SNTG2: variants seen among roughly 807,000 people sequenced by gnomAD.
The protein encoded by SNTG2 is syntrophin gamma 2, also known as gamma-2-syntrophin.
Under a neutral mutation model 70.9 loss-of-function variants are expected in SNTG2, and 74 were observed. The observed-to-expected ratio is 1.04, with a 90% CI of 0.86 to 1.27. SNTG2 has a LOEUF of 1.27. Ranked by LOEUF, SNTG2 falls within the 50% of genes most tolerant of loss-of-function variation. The pLI is 0.00. For synonymous variants in SNTG2, 278 were observed against 273.8 expected, an observed-to-expected ratio of 1.02 and a Z score of -0.15; for missense variants, 717 against 690.7, an observed-to-expected ratio of 1.04 and a Z score of -0.43.
intron 14 of SNTG2, among the ~76,000 whole-genome samples, chr2:1,282,982 T>C (rs1160747907): frequency 2.6e-5 from 4 of 152,110 alleles, no homozygotes; most frequent in South Asian, 2.1e-4. Context: ...AATACAGATA[T>C]CAAGACAGAA....
intron 12 of SNTG2, among the ~76,000 whole-genome samples, chr2:1,250,901 C>T (rs146146793): frequency 6.4e-4 from 98 of 152,290 alleles, no homozygotes; most frequent in African/African-American, 2.2e-3. Context: ...AGTTATCTAT[C>T]GTCTCTTTCT....
intron 14 of SNTG2, among the ~76,000 whole-genome samples, chr2:1,268,724 G>A (rs1458915042): frequency 6.6e-6 from 1 of 152,184 alleles, no homozygotes; most frequent in Non-Finnish European, 1.5e-5. Context: ...AATGTATAGT[G>A]GCATTTAGCC....
In SNTG2 at chr2:1,307,816, G is replaced by T. The variant is rs79728145; in HGVS notation, c.1285-678G>T. Among the ~76,000 whole-genome samples the T allele has an allele frequency of 7.9e-4, 120 of 152,358 alleles. No homozygotes were observed. The East Asian group carries it at 0.019, about 24-fold the overall frequency. The stretch of plus-strand genomic sequence containing the variant: ...CGGGCTCCGCAGCCTGAAGCCCAGA[G>T]ACCTTCCGGGCAGAGCCCAGGAGCA... On this transcript the variant is annotated intron_variant, in intron 14 of 16. Coordinates refer to ENST00000308624, the MANE Select transcript of SNTG2 (RefSeq NM_018968.4).
At chr2:1,064,653 CTG>C (rs1364596300) in intron 1 of SNTG2, among the ~76,000 whole-genome samples, 2 of 152,100 alleles carry the variant, frequency 1.3e-5, no homozygotes, top group African/African-American at 2.4e-5. Flanking sequence ...GCTAGAGAAA[CTG>C]TTAGGAAATT....
intron 14 of SNTG2, among the ~76,000 whole-genome samples, chr2:1,305,131 A>G (rs138259169): frequency 1.5e-3 from 232 of 152,294 alleles, no homozygotes; most frequent in African/African-American, 5.1e-3. Flanking sequence ...TTCAGTATGA[A>G]AAGACTGTCC....
chr2:968,239 T>C (rs1331845486), intron 1 of SNTG2, among the ~76,000 whole-genome samples: 1 of 152,214 alleles, frequency 6.6e-6, no homozygotes, highest in East Asian at 1.9e-4. Flanking sequence ...TCAGGAACTT[T>C]GTCCTAAGTA....
At chr2:1,109,972 G>A (rs1424500785) in intron 4 of SNTG2, among the ~76,000 whole-genome samples, 1 of 152,172 alleles carries the variant, frequency 6.6e-6, no homozygotes, top group Admixed American at 6.5e-5. Context: ...TGAGCTGAAG[G>A]GCGGGTTCTT....
chr2:1,070,404 T>C (rs1020348901), intron 1 of SNTG2, among the ~76,000 whole-genome samples: 2 of 152,314 alleles, frequency 1.3e-5, no homozygotes, highest in South Asian at 4.1e-4. Context: ...TGAGGGTGTT[T>C]AGGAAAACCT....
At chr2:1,057,754 A>G (rs1662555627) in intron 1 of SNTG2, among the ~76,000 whole-genome samples, 1 of 152,210 alleles carries the variant, frequency 6.6e-6, no homozygotes, top group Non-Finnish European at 1.5e-5. Flanking sequence ...AACCATCACA[A>G]GTGGCAAAAT....
chr2:1,216,159 A>C (rs1674378168), intron 9 of SNTG2, among the ~76,000 whole-genome samples: 1 of 152,208 alleles, frequency 6.6e-6, no homozygotes, highest in African/African-American at 2.4e-5. Context: ...GAACTAGTTT[A>C]CAGTCCCACC....
chr2:1,199,776 T>A (rs145763431), intron 8 of SNTG2, among the ~76,000 whole-genome samples: 129 of 151,922 alleles, frequency 8.5e-4, no homozygotes, highest in African/African-American at 3.0e-3. Flanking sequence ...TCACAATAGC[T>A]ATGAAAAAAT....
chr2:1,168,274 TGAAGCCTAGAAGCCGCCCACAGACGGCAG>T, intron 7 of SNTG2, among the ~76,000 whole-genome samples: 1 of 148,736 alleles, frequency 6.7e-6, no homozygotes, highest in African/African-American at 2.5e-5. Context: ...ACGGCAGAAC[TGAAGCCTAGAAGCCGCCCACAGACGGCAG>T]AACTGAAGCC....
At position 1,157,653 on chromosome 2, in the gene SNTG2, A is replaced by G. The variant is rs762482233; in HGVS notation, c.412-7895A>G. On this transcript the variant is annotated intron_variant, in intron 6 of 16. Coordinates refer to ENST00000308624, the MANE Select transcript of SNTG2 (RefSeq NM_018968.4). Reference sequence around the variant, plus strand: ...GGCTAAGGTCTGTTTCTTTATTAACATAGTGTATTTAAGCAGAAATGAGTT... The same window carrying G: ...GGCTAAGGTCTGTTTCTTTATTAACGTAGTGTATTTAAGCAGAAATGAGTT... 1.1e-4 allele frequency among the ~76,000 whole-genome samples: 17 copies of G among 152,376 alleles called. No homozygotes were observed. In the Middle Eastern group the frequency reaches 0.01, roughly 91 times the overall value.
chr2:1,118,384 C>T (rs1184478394), intron 4 of SNTG2, among the ~76,000 whole-genome samples: 1 of 152,062 alleles, frequency 6.6e-6, no homozygotes, highest in African/African-American at 2.4e-5. Context: ...TGAATTCCTG[C>T]AGCCTATGCC....
chr2:1,322,929 G>A (rs770722597), intron 16 of SNTG2, among the ~76,000 whole-genome samples: 30 of 152,084 alleles, frequency 2.0e-4, no homozygotes, highest in Admixed American at 6.5e-4. Flanking sequence ...AGGAAGTGCC[G>A]CCGCTCAAGG....
At chr2:1,136,832 T>C (rs139748955) in intron 4 of SNTG2, among the ~76,000 whole-genome samples, 97 of 152,368 alleles carry the variant, frequency 6.4e-4, no homozygotes, top group African/African-American at 2.2e-3. Flanking sequence ...AGTCAAACTT[T>C]CTCATACAAA....
At chr2:1,101,595 C>G (rs113334609) in intron 4 of SNTG2, among the ~76,000 whole-genome samples, 344 of 132,568 alleles carry the variant, frequency 2.6e-3, no homozygotes, top group African/African-American at 0.01. Context: ...AGTCTGGCCT[C>G]AGGATGAAGG....
intron 15 of SNTG2, among the ~76,000 whole-genome samples, chr2:1,313,933 T>G (rs1681140059): frequency 6.6e-6 from 1 of 152,316 alleles, no homozygotes; most frequent in East Asian, 1.9e-4. Flanking sequence ...CTGCAAATAT[T>G]GAGTACAGTT....
chr2:1,253,176 G>A (rs181940061), intron 12 of SNTG2, among the ~76,000 whole-genome samples: 9 of 152,226 alleles, frequency 5.9e-5, no homozygotes, highest in South Asian at 4.1e-4. Flanking sequence ...GGAGAAGCAC[G>A]TGGGGCCATG....
Sources: gnomAD v4.1 joint callset for allele counts (sites outside exome capture counted in the v4.1 genomes callset) on GRCh38, gnomAD v4.1.1 for gene constraint, MANE v1.5 for transcripts, NCBI Gene and HGNC (gene_info 2026-07-23, HGNC 2026-07-21) for gene names.